GREB1L: variants seen among roughly 807,000 people sequenced by gnomAD.
The protein encoded by GREB1L is GREB1 like retinoic acid receptor coactivator.
Under a neutral mutation model 200.8 loss-of-function variants are expected in GREB1L, and 17 were observed. That is an observed-to-expected ratio of 0.08 (90% confidence interval 0.06 to 0.13). The LOEUF is 0.13. GREB1L is among the 10% of genes least tolerant of loss of function. GREB1L has a pLI of 1.00. For synonymous variants in GREB1L, 789 were observed against 893.0 expected (o/e 0.88, Z 2.08); for missense variants, 1,657 against 2,367.7 (o/e 0.70, Z 6.23).
rs75622242 is a variant in GREB1L at position 21,311,804 on chromosome 18, G to A, written c.-119-54223G>A. On this transcript the variant is annotated intron_variant, in intron 1 of 32. Transcript: ENST00000424526. Reference sequence around the variant, plus strand: ...TGTGGAAATGTATACATTTTTTCTGGCCACTCTCAATGGCAGAGAGGTTTT... The same window carrying A: ...TGTGGAAATGTATACATTTTTTCTGACCACTCTCAATGGCAGAGAGGTTTT... Among the ~76,000 whole-genome samples the A allele has an allele frequency of 7.3e-3, 1,111 of 151,992 alleles. 15 individuals carry two copies. The highest frequency in any genetic ancestry group is 0.025 in the African/African-American group (1,048 of 41,472).
intron 7 of GREB1L, among the ~76,000 whole-genome samples, chr18:21,425,513 T>C (rs2032495165): frequency 6.6e-6 from 1 of 152,230 alleles, no homozygotes; most frequent in South Asian, 2.1e-4. Flanking sequence ...CTACCAGCAA[T>C]GTGTGAGGAT....
At chr18:21,521,246 C>A (rs1160438897) in intron 32 of GREB1L, among the ~76,000 whole-genome samples, 1 of 151,666 alleles carries the variant, frequency 6.6e-6, no homozygotes, top group Non-Finnish European at 1.5e-5. Flanking sequence ...GTGGTGGCTC[C>A]TGTAATCCCA....
intron 1 of GREB1L, among the ~76,000 whole-genome samples, chr18:21,353,643 G>C (rs1353941229): frequency 6.6e-6 from 1 of 152,062 alleles, no homozygotes; most frequent in African/African-American, 2.4e-5. Context: ...GGTAATATAT[G>C]TGATATATAT....
intron 17 of GREB1L, among the ~76,000 whole-genome samples, chr18:21,482,756 A>G (rs2035972696): frequency 1.3e-5 from 2 of 151,046 alleles, no homozygotes; most frequent in South Asian, 4.2e-4. Flanking sequence ...ACCAAGGGCC[A>G]ACAAGTCATC....
intron 21 of GREB1L, among the ~76,000 whole-genome samples, chr18:21,497,076 G>T (rs919263985): frequency 6.6e-6 from 1 of 152,092 alleles, no homozygotes; most frequent in African/African-American, 2.4e-5. Context: ...GTGCTAAATG[G>T]CTTAGTACCT....
intron 11 of GREB1L, among the ~76,000 whole-genome samples, chr18:21,445,479 A>G (rs941335239): frequency 2.6e-5 from 4 of 152,182 alleles, no homozygotes; most frequent in Non-Finnish European, 4.4e-5. Flanking sequence ...CATCTCAAAA[A>G]AAAAGAAAAG....
chr18:21,397,694 G>A (rs966758424), intron 5 of GREB1L, among the ~76,000 whole-genome samples: 3 of 152,068 alleles, frequency 2.0e-5, no homozygotes, highest in African/African-American at 4.8e-5. Flanking sequence ...GAGTGAGACT[G>A]TCTCAGAAAA....
At position 21,394,708 on chromosome 18, in the gene GREB1L, T is replaced by C. The variant is rs184529166; in HGVS notation, c.356-677T>C. ...ATAAAGAGTATCTCTATTCTGACAC[T>C]GTACCCATCTAGAGAAGTGAATTTG... is the stretch of plus-strand genomic sequence containing the variant. On this transcript the variant is annotated intron_variant, in intron 4 of 32. Coordinates refer to ENST00000424526, the MANE Select transcript of GREB1L (RefSeq NM_001142966.3). Among the ~76,000 whole-genome samples, 718 of 152,228 alleles carry C rather than the reference T, an allele frequency of 4.7e-3. 6 individuals are homozygous for C. The highest frequency in any genetic ancestry group is 7.2e-3 in the Non-Finnish European group (492 of 67,994).
At chr18:21,342,639 G>T (rs1159588079) in intron 1 of GREB1L, among the ~76,000 whole-genome samples, 1 of 152,096 alleles carries the variant, frequency 6.6e-6, no homozygotes, top group Non-Finnish European at 1.5e-5. Flanking sequence ...AATGTGATTT[G>T]TTCTCCTAGG....
intron 1 of GREB1L, among the ~76,000 whole-genome samples, chr18:21,316,677 T>C (rs889203627): frequency 4.6e-5 from 7 of 152,158 alleles, no homozygotes; most frequent in African/African-American, 1.7e-4. Context: ...TTTCAGAAGT[T>C]GTTTTAAGTT....
At chr18:21,399,930 T>C (rs1200942095) in intron 5 of GREB1L, among the ~76,000 whole-genome samples, 1 of 152,222 alleles carries the variant, frequency 6.6e-6, no homozygotes, top group Non-Finnish European at 1.5e-5. Flanking sequence ...GGCTTTTCTC[T>C]TCTCTATTTA....
chr18:21,409,065 T>G (rs1007808389), intron 7 of GREB1L, among the ~76,000 whole-genome samples: 3 of 152,148 alleles, frequency 2.0e-5, no homozygotes, highest in African/African-American at 7.2e-5. Context: ...TCATAAAAAC[T>G]TGCATGCAGA....
chr18:21,430,892 G>C (rs1240673251), intron 7 of GREB1L, among the ~76,000 whole-genome samples: 1 of 149,624 alleles, frequency 6.7e-6, no homozygotes, highest in East Asian at 2.0e-4. Context: ...CACCGCACCT[G>C]GCCTCTTTTT....
chr18:21,500,914 T>C (rs938326060), intron 23 of GREB1L, among the ~76,000 whole-genome samples: 2 of 151,866 alleles, frequency 1.3e-5, no homozygotes, highest in South Asian at 4.2e-4. Context: ...ACTGAAAATA[T>C]AAAAATTAGC....
At chr18:21,322,268 T>A (rs2038962428) in intron 1 of GREB1L, among the ~76,000 whole-genome samples, 1 of 152,188 alleles carries the variant, frequency 6.6e-6, no homozygotes, top group African/African-American at 2.4e-5. Flanking sequence ...TGGTATTAAA[T>A]TTAAACAGAG....
intron 23 of GREB1L, among the ~76,000 whole-genome samples, chr18:21,502,098 A>G (rs2036820275): frequency 6.6e-6 from 1 of 152,162 alleles, no homozygotes; most frequent in Admixed American, 6.5e-5. Context: ...CTAAAAATAC[A>G]AAAATTAGCC....
intron 17 of GREB1L, 53 bp downstream of exon 17, chr18:21,477,409 G>A: frequency 7.5e-7 from 1 of 1,340,180 alleles, no homozygotes; most frequent in East Asian, 2.6e-5. Context: ...GTTCCCAAGA[G>A]GGTAGGACCT....
At chr18:21,281,090 G>A (rs779322903) in intron 1 of GREB1L, among the ~76,000 whole-genome samples, 15 of 152,232 alleles carry the variant, frequency 9.9e-5, no homozygotes, top group Non-Finnish European at 1.9e-4. Context: ...GTAGAAAAGG[G>A]AAGGTATAGT....
At chr18:21,508,854 G>A in intron 27 of GREB1L, 1 of 503,662 alleles carries the variant, frequency 2.0e-6, no homozygotes, top group Non-Finnish European at 3.6e-6. Flanking sequence ...ACCCTGGGAA[G>A]GTTTGGGATT....
Sources: allele counts gnomAD v4.1 joint callset (sites outside exome capture counted in the v4.1 genomes callset), GRCh38; gene constraint gnomAD v4.1.1; transcripts MANE v1.5; gene names NCBI Gene and HGNC (gene_info 2026-07-23, HGNC 2026-07-21).